The following APCDD1L variants were observed in gnomAD, a reference collection of about 807,000 sequenced individuals.
APCDD1L encodes the protein APC down-regulated 1 like, also known as protein APCDD1-like.
Under a neutral mutation model 24.2 loss-of-function variants are expected in APCDD1L, and 21 were observed. That is an observed-to-expected ratio of 0.87 (90% CI 0.61 to 1.25). APCDD1L has a LOEUF of 1.25. Ranked by LOEUF, APCDD1L falls within the 50% of genes most tolerant of loss-of-function variation. The pLI, the probability that APCDD1L is intolerant of heterozygous loss-of-function variation, is 0.00. For missense variants in APCDD1L, 704 were observed against 711.7 expected (o/e 0.99, Z 0.12); for synonymous variants, 321 against 323.6 (o/e 0.99, Z 0.09).
In APCDD1L at chr20:58,486,854, G is replaced by GTTTTTTTTTTT. The variant is rs747539318; in HGVS notation, c.50-16118_50-16108dup. ...AGAAGGAAAATTTACTGGAGGGAAG[G>GTTTTTTTTTTT]TTTTTTTTTTTTTTTTTTTTTTTTT... On this transcript the variant is annotated intron_variant, in intron 1 of 3. Transcript: ENST00000371149. 1.3e-3 allele frequency among the ~76,000 whole-genome samples: 104 copies of GTTTTTTTTTTT among 80,438 alleles called. 5 individuals carry two copies. The highest frequency in any genetic ancestry group is 1.6e-3 in the South Asian group (3 of 1,848). 52.8% of individuals were successfully genotyped at this position (80,438 alleles called of 152,430 possible).
intron 3 of APCDD1L, among the ~76,000 whole-genome samples, chr20:58,463,905 G>GGT (rs1555819806): frequency 8.3e-6 from 1 of 121,038 alleles, no homozygotes; most frequent in Non-Finnish European, 1.8e-5. Flanking sequence ...GGGGGGGGGG[G>GGT]GCGTCACATT....
chr20:58,496,829 G>T (rs538498365), intron 1 of APCDD1L, among the ~76,000 whole-genome samples: 6 of 152,158 alleles, frequency 3.9e-5, no homozygotes, highest in African/African-American at 1.4e-4. Flanking sequence ...ACCCCGAGGG[G>T]ATGCCCCTGA....
intron 1 of APCDD1L, among the ~76,000 whole-genome samples, chr20:58,481,088 G>A (rs1009414064): frequency 6.6e-6 from 1 of 152,218 alleles, no homozygotes; most frequent in African/African-American, 2.4e-5. Context: ...TGGAGGAGCC[G>A]GTGAGGGGAT....
At chr20:58,513,175 G>T (rs1459745803) in intron 1 of APCDD1L, among the ~76,000 whole-genome samples, 1 of 152,192 alleles carries the variant, frequency 6.6e-6, no homozygotes, top group African/African-American at 2.4e-5. Flanking sequence ...AGGCGGATGA[G>T]AGCAGATGGA....
Position 58,460,231 on chromosome 20 carries a change from C to G in APCDD1L, c.*559G>C, listed in dbSNP as rs1348991444. On this transcript the variant is annotated 3_prime_UTR_variant, in exon 4 of 4. Coordinates refer to ENST00000371149, the MANE Select transcript of APCDD1L (RefSeq NM_153360.3). The surrounding 1 kb of genome is among the most constrained non-coding windows in gnomAD (Gnocchi z 4.2). ...AAGACACAAGCCCTTTGCCCAAAAG[C>G]TGAGAAGCACTGAAAGCCCGAAGTG... 4 of 152,328 alleles carry G rather than the reference C, an allele frequency of 2.6e-5. No homozygotes were observed. The highest frequency in any genetic ancestry group is 9.6e-5 in the African/African-American group (4 of 41,472). 9.4% of individuals were successfully genotyped at this position (152,328 alleles called of 1,614,324 possible).
At chr20:58,470,829 C>T in intron 1 of APCDD1L, 82 bp from the exon 2 acceptor site, 1 of 1,464,120 alleles carries the variant, frequency 6.8e-7, no homozygotes, top group Non-Finnish European at 9.0e-7. Context: ...CCCACTGTGG[C>T]CACAGAGAGC....
In APCDD1L at chr20:58,460,793, T is replaced by C. The variant is rs1989580210; in HGVS notation, c.1503A>G (p.Leu501=). ...LVLGLAFLHW[L] is the part of the protein sequence containing the mutation. Reference sequence around the variant, plus strand: ...CATCCTGATGTCAAGTCCAATGTCATAGCCAGTGGAGGAAGGCCAGCCCTA... The same window carrying C: ...CATCCTGATGTCAAGTCCAATGTCACAGCCAGTGGAGGAAGGCCAGCCCTA... The change falls in exon 4 of 4, where the codon CTA becomes CTG. Residue 501 remains leucine, a synonymous_variant. Transcript: ENST00000371149. This position sits in a 1 kb window ranked among gnomAD's most constrained non-coding sequence, Gnocchi z 4.2. 2 of 1,521,720 alleles carry C rather than the reference T, an allele frequency of 1.3e-6. No individual in the cohort carries two copies. Among genetic ancestry groups the C allele is most frequent in the Non-Finnish European group, 1.8e-6 (2 of 1,135,256 alleles). 94.3% of individuals were successfully genotyped at this position (1,521,720 alleles called of 1,614,324 possible).
At chr20:58,507,563 G>T (rs947317085) in intron 1 of APCDD1L, among the ~76,000 whole-genome samples, 2 of 152,048 alleles carry the variant, frequency 1.3e-5, no homozygotes, top group Non-Finnish European at 2.9e-5. Context: ...ACACACAGTG[G>T]TAATTTATGG....
intron 2 of APCDD1L, among the ~76,000 whole-genome samples, chr20:58,468,903 G>A (rs1490379139): frequency 6.6e-6 from 1 of 152,120 alleles, no homozygotes; most frequent in African/African-American, 2.4e-5. Flanking sequence ...TGGAGCAGAG[G>A]AAACATGTTA....
rs192529227 is a variant in APCDD1L, at chr20:58,480,415, G to T, written c.50-9668C>A. 1.2e-3 allele frequency among the ~76,000 whole-genome samples: 186 copies of T among 152,310 alleles called. No individual in the cohort carries two copies. The Middle Eastern group carries it at 0.014, about 11-fold the overall frequency. The stretch of plus-strand genomic sequence containing the variant: ...GTTGACAGGTGATCAAAGGGACAGG[G>T]TTTGGTTAGCTACTGGCCCCCCAGT... On this transcript the variant is annotated intron_variant, in intron 1 of 3. Transcript: ENST00000371149.
At chr20:58,509,264 G>A (rs903633508) in intron 1 of APCDD1L, among the ~76,000 whole-genome samples, 2 of 152,146 alleles carry the variant, frequency 1.3e-5, no homozygotes, top group East Asian at 1.9e-4. Flanking sequence ...TGTGAGCCAC[G>A]TCAGGGCCTT....
intron 2 of APCDD1L, among the ~76,000 whole-genome samples, chr20:58,468,501 C>T (rs1198857217): frequency 2.0e-5 from 3 of 151,924 alleles, no homozygotes; most frequent in African/African-American, 4.8e-5. Flanking sequence ...TGGATGAAGT[C>T]GGGGGAAAAA....
At chr20:58,483,857 C>T (rs930249480) in intron 1 of APCDD1L, among the ~76,000 whole-genome samples, 1 of 152,110 alleles carries the variant, frequency 6.6e-6, no homozygotes, top group Non-Finnish European at 1.5e-5. Flanking sequence ...TGCAGCTCCT[C>T]AGCCTGGAAC....
At chr20:58,505,994 T>C (rs1391493638) in intron 1 of APCDD1L, among the ~76,000 whole-genome samples, 1 of 152,192 alleles carries the variant, frequency 6.6e-6, no homozygotes, top group Non-Finnish European at 1.5e-5. Flanking sequence ...GATTCCCTTC[T>C]ACAGGCTTCA....
rs1229345425 is a variant in APCDD1L, at chr20:58,461,399, G to T, written c.897C>A (p.Thr299=). Residue 299 remains threonine (T), a synonymous_variant, in exon 4 of 4, where the codon ACC becomes ACA. Transcript: ENST00000371149. This position sits in a 1 kb window ranked among gnomAD's most constrained non-coding sequence, Gnocchi z 6.0. ...CEVRPAVLFL[T]RLFTFHGHSR... ...TGTGCCCGTGGAAAGTGAAGAGCCG[G>T]GTGAGGAACAGGACTGCTGGGCGCA... 12 of 1,553,790 alleles carry T rather than the reference G, an allele frequency of 7.7e-6. No homozygotes were observed. In the Admixed American group the frequency reaches 1.6e-4, roughly 21 times the overall value.
At chr20:58,507,070 G>T (rs1480576433) in intron 1 of APCDD1L, among the ~76,000 whole-genome samples, 1 of 152,160 alleles carries the variant, frequency 6.6e-6, no homozygotes, top group Non-Finnish European at 1.5e-5. Flanking sequence ...GGTGTCATGG[G>T]AAGAGCCTGG....
chr20:58,512,888 C>A (rs1990654630), intron 1 of APCDD1L, among the ~76,000 whole-genome samples: 1 of 150,304 alleles, frequency 6.7e-6, no homozygotes, highest in Admixed American at 6.6e-5. Context: ...TGAGGGCAGG[C>A]TGCCCCCCTC....
chr20:58,460,740 G>A lies in APCDD1L; in HGVS notation c.*50C>T, dbSNP rs1166677115. On this transcript the variant is annotated 3_prime_UTR_variant, in exon 4 of 4. Transcript: ENST00000371149. This position sits in a 1 kb window ranked among gnomAD's most constrained non-coding sequence, Gnocchi z 4.2. ...CCCTACAGCTGCCAGGAGGGAGTCT[G>A]AAGGGTTGAATGGGTGTCCAGAGCC... 34 of 1,500,922 alleles carry A rather than the reference G, an allele frequency of 2.3e-5. No individual in the cohort carries two copies. The highest frequency in any genetic ancestry group is 3.0e-5 in the Non-Finnish European group (34 of 1,123,932). 93.0% of individuals were successfully genotyped at this position (1,500,922 alleles called of 1,614,324 possible). A position where few individuals can be genotyped will look rare whatever the true frequency, so the allele number is the denominator to read the frequency against.
At chr20:58,499,996 T>C (rs907859154) in intron 1 of APCDD1L, among the ~76,000 whole-genome samples, 1 of 152,204 alleles carries the variant, frequency 6.6e-6, no homozygotes, top group African/African-American at 2.4e-5. Context: ...AGATTGTTTT[T>C]TTAAAAAAAC....
Sources: allele counts gnomAD v4.1 joint callset (sites outside exome capture counted in the v4.1 genomes callset), GRCh38; gene constraint gnomAD v4.1.1; non-coding constraint Gnocchi (gnomAD v3.1); transcripts MANE v1.5; gene names NCBI Gene and HGNC (gene_info 2026-07-23, HGNC 2026-07-21).